ZFC3H1: variants seen among roughly 807,000 people sequenced by gnomAD.
ZFC3H1 encodes zinc finger C3H1 domain-containing protein.
In ZFC3H1, 71 loss-of-function variants were observed where a neutral mutation model predicts 243.7. The ratio of observed to expected loss-of-function variants is 0.29; its 90% CI spans 0.24 to 0.36. ZFC3H1 has a LOEUF of 0.36. Among genes scored for constraint, ZFC3H1 ranks in the 10% least tolerant of loss-of-function variants. The pLI, the probability that ZFC3H1 is intolerant of heterozygous loss-of-function variation, is 1.00. For missense variants in ZFC3H1, 1,966 were observed against 2,317.1 expected, an observed-to-expected ratio of 0.85 and a Z score of 3.11; for synonymous variants, 838 against 813.0, an observed-to-expected ratio of 1.03 and a Z score of -0.52.
rs752974527 is a variant in ZFC3H1, at chr12:71,632,873, A to G, written c.2817+13T>C. On this transcript the variant is annotated intron_variant, in intron 14 of 34. Coordinates refer to ENST00000378743, the MANE Select transcript of ZFC3H1 (RefSeq NM_144982.5). ...TGCTTTCCAAAAGTAAAATATTTCT[A>G]TAAAACCCTCACCCCAAAGCGATCT... 3.1e-6 allele frequency: 5 copies of G among 1,607,802 alleles called. No individual in the cohort carries two copies. The East Asian group carries it at 1.1e-4, about 36-fold the overall frequency.
intron 4 of ZFC3H1, 72 bp downstream of exon 4, chr12:71,644,805 C>CA (rs1880686929): frequency 6.5e-7 from 1 of 1,537,876 alleles, no homozygotes; most frequent in Non-Finnish European, 8.8e-7. Context: ...GCGACAAGAG[C>CA]AAAACTCTGT....
At chr12:71,638,323 T>A in intron 7 of ZFC3H1, 95 bp downstream of exon 7, 1 of 1,249,772 alleles carries the variant, frequency 8.0e-7, no homozygotes, top group Non-Finnish European at 1.1e-6. Flanking sequence ...CAATTCTGAT[T>A]TTTTAAGCCC....
intron 24 of ZFC3H1, among the ~76,000 whole-genome samples, chr12:71,622,503 T>C (rs1487350013): frequency 6.6e-6 from 1 of 152,052 alleles, no homozygotes; most frequent in Non-Finnish European, 1.5e-5. Flanking sequence ...CACTCTGTTA[T>C]CCAGGCTGAA....
rs1186092653 is a variant in ZFC3H1, at chr12:71,610,648, A to T, written c.5832+47T>A. ...ATCAATGGATATGGCACATGCAGAA[A>T]ATTTACAGGAAAACATCGAGATAAA... On this transcript the variant is annotated intron_variant, in intron 34 of 34. Transcript: ENST00000378743. 9 of 1,612,358 alleles carry T rather than the reference A, an allele frequency of 5.6e-6. No individual in the cohort carries two copies. In the South Asian group the frequency reaches 9.9e-5, roughly 18 times the overall value.
Position 71,632,505 on chromosome 12 carries a change from T to C in ZFC3H1, c.2827A>G (p.Met943Val), listed in dbSNP as rs760552206. ...ACTGGAGAACTGTCCAGTCTCATCATTTTGTTTGGCTAAGGGAGAAAAATG... is the reference window on the plus strand; with the variant it reads ...ACTGGAGAACTGTCCAGTCTCATCACTTTGTTTGGCTAAGGGAGAAAAATG... The part of the protein sequence containing the change: ...LEQDRFGPNK[M>V]MRLDSSPVSS... Residue 943 changes from methionine (M) to valine (V), a missense_variant, in exon 15 of 35, where the codon ATG becomes GTG. Transcript: ENST00000378743. 6.4e-7 allele frequency: 1 copy of C among 1,556,638 alleles called. No individual in the cohort carries two copies. Among genetic ancestry groups the C allele is most frequent in the Non-Finnish European group, 8.6e-7 (1 of 1,164,272 alleles).
At chr12:71,618,219 C>T (rs1271242170) in intron 27 of ZFC3H1, among the ~76,000 whole-genome samples, 3 of 151,426 alleles carry the variant, frequency 2.0e-5, no homozygotes, top group Non-Finnish European at 4.4e-5. Context: ...GAGGTGAGAT[C>T]GCACCACTGC....
chr12:71,614,772 C>T (rs1314069670), intron 29 of ZFC3H1, 62 bp downstream of exon 29: 5 of 1,594,252 alleles, frequency 3.1e-6, no homozygotes, highest in African/African-American at 1.4e-5. Flanking sequence ...GCTGGTCACC[C>T]CTTTCCCGAT....
rs542118089 is a variant in ZFC3H1, at chr12:71,663,422, G to A, written c.189C>T (p.Gly63=). The change falls in exon 1 of 35, where the codon GGC becomes GGT. Residue 63 remains glycine, a synonymous_variant. Transcript: ENST00000378743. The part of the protein sequence containing the change: ...PRRRPPHSAR[G]GGSGGGGGSS... Reference sequence around the variant, plus strand: ...AGCCACCGCCTCCGCCAGATCCACCGCCCCGGGCCGAGTGAGGAGGCCTTC... The same window carrying A: ...AGCCACCGCCTCCGCCAGATCCACCACCCCGGGCCGAGTGAGGAGGCCTTC... The A allele has an allele frequency of 3.7e-6, 6 of 1,611,740 alleles. No individual in the cohort carries two copies. In the East Asian group the frequency reaches 1.1e-4, roughly 30 times the overall value.
At chr12:71,622,078 C>A (rs547968011) in intron 24 of ZFC3H1, among the ~76,000 whole-genome samples, 2 of 152,338 alleles carry the variant, frequency 1.3e-5, no homozygotes, top group Admixed American at 1.3e-4. Flanking sequence ...AATTCTCAGT[C>A]TGATAAGACC....
chr12:71,656,607 C>A, intron 2 of ZFC3H1: 1 of 611,648 alleles, frequency 1.6e-6, no homozygotes, highest in Non-Finnish European at 2.8e-6. Flanking sequence ...ATGTCAAAAC[C>A]ATTTTCTTTA....
At chr12:71,653,009 A>G (rs1880930680) in intron 2 of ZFC3H1, among the ~76,000 whole-genome samples, 1 of 152,186 alleles carries the variant, frequency 6.6e-6, no homozygotes, top group South Asian at 2.1e-4. Flanking sequence ...AATGTTCAAG[A>G]AAAGAAAGTA....
intron 24 of ZFC3H1, 110 bp downstream of exon 24, chr12:71,623,250 G>C (rs1880077574): frequency 3.3e-6 from 3 of 913,130 alleles, no homozygotes. Context: ...GCAATATAGA[G>C]ATATAAATTT....
At chr12:71,645,830 T>C (rs1256191140) in intron 3 of ZFC3H1, among the ~76,000 whole-genome samples, 1 of 152,186 alleles carries the variant, frequency 6.6e-6, no homozygotes, top group African/African-American at 2.4e-5. Context: ...TTCTCTCCAT[T>C]ATAGCAAAAA....
At chr12:71,639,892 G>A (rs1880558649) in intron 6 of ZFC3H1, among the ~76,000 whole-genome samples, 1 of 152,194 alleles carries the variant, frequency 6.6e-6, no homozygotes, top group Non-Finnish European at 1.5e-5. Flanking sequence ...ATTAACAGCA[G>A]CCACTTTTAC....
intron 20 of ZFC3H1, among the ~76,000 whole-genome samples, chr12:71,628,242 T>A (rs1880221193): frequency 6.6e-6 from 1 of 152,232 alleles, no homozygotes; most frequent in Admixed American, 6.5e-5. Context: ...CAACTGCTTT[T>A]TCATTATTAT....
rs1184892776 is a variant in ZFC3H1 at position 71,657,041 on chromosome 12, G to A, written c.859C>T (p.Pro287Ser). The A allele has an allele frequency of 9.9e-6, 16 of 1,613,760 alleles. No individual in the cohort carries two copies. Among genetic ancestry groups the A allele is most frequent in the Non-Finnish European group, 1.1e-5 (13 of 1,179,884 alleles). ...GTTTTGACTTGTGTTTTCTCCTCAG[G>A]AGCTACTTCTTTACTTGAATCCTTT... ...ITKDSSKEVAPEEKTQVKTFQ... is the reference protein window; with the variant it reads ...ITKDSSKEVASEEKTQVKTFQ... Residue 287 changes from proline (P) to serine (S), a missense_variant, in exon 2 of 35, where the codon CCT becomes TCT. Physicochemically the swap from Pro to Ser is moderately conservative, Grantham distance 74. This residue lies in a region of ZFC3H1 where 484 missense variants were observed against 449.7 expected (regional missense o/e 1.08). Transcript: ENST00000378743.
chr12:71,612,925 A>G (rs1879807332), intron 31 of ZFC3H1, among the ~76,000 whole-genome samples: 1 of 152,216 alleles, frequency 6.6e-6, no homozygotes. Flanking sequence ...TACATTTTAA[A>G]TGAGCATCCC....
At chr12:71,641,712 C>T (rs1360433741) in intron 6 of ZFC3H1, among the ~76,000 whole-genome samples, 1 of 152,186 alleles carries the variant, frequency 6.6e-6, no homozygotes, top group Admixed American at 6.5e-5. Context: ...AAAATTTCTA[C>T]AAATTATCGT....
At chr12:71,644,467 T>G in intron 4 of ZFC3H1, 149 bp from the exon 5 acceptor site, 1 of 804,570 alleles carries the variant, frequency 1.2e-6, no homozygotes, top group Non-Finnish European at 1.9e-6. Context: ...GGCCCTGTAA[T>G]TCCCCAAACT....
Sources: allele counts gnomAD v4.1 joint callset (sites outside exome capture counted in the v4.1 genomes callset), GRCh38; gene constraint gnomAD v4.1.1; regional missense constraint gnomAD v4.1.1; transcripts MANE v1.5; gene names NCBI Gene and HGNC (gene_info 2026-07-23, HGNC 2026-07-21).